GRM8: variants seen among roughly 807,000 people sequenced by gnomAD.
The protein encoded by GRM8 is glutamate metabotropic receptor 8.
A neutral mutation model predicts 87.2 loss-of-function variants in GRM8; 47 were observed. That is an observed-to-expected ratio of 0.54 (90% CI 0.43 to 0.69). The LOEUF (loss-of-function observed/expected upper bound fraction) is 0.69, where lower values mean the gene tolerates loss of function less well. Ranked by LOEUF, GRM8 falls within the 30% of genes least tolerant of loss-of-function variation. The pLI is 0.00. For synonymous variants in GRM8, 396 were observed against 404.5 expected (o/e 0.98, Z 0.25); for missense variants, 1,019 against 1,139.2 (o/e 0.89, Z 1.52).
chr7:127,186,003 A>G (rs2116447603), intron 2 of GRM8, among the ~76,000 whole-genome samples: 1 of 152,302 alleles, frequency 6.6e-6, no homozygotes. Context: ...TTCTTTATGT[A>G]TGTATTTGTA....
chr7:127,174,386 T>C (rs1251506602), intron 2 of GRM8, among the ~76,000 whole-genome samples: 1 of 152,178 alleles, frequency 6.6e-6, no homozygotes, highest in African/African-American at 2.4e-5. Context: ...ACCCATTCTC[T>C]GAACAGAAGG....
chr7:126,503,743 C>T (rs1314498623), intron 9 of GRM8, among the ~76,000 whole-genome samples: 1 of 151,956 alleles, frequency 6.6e-6, no homozygotes, highest in East Asian at 1.9e-4. Context: ...GTGTATTAGG[C>T]CCTCCTTCCC....
intron 7 of GRM8, among the ~76,000 whole-genome samples, chr7:126,730,720 C>T (rs1314065146): frequency 6.6e-6 from 1 of 151,866 alleles, no homozygotes; most frequent in Non-Finnish European, 1.5e-5. Context: ...TTGGTAACTG[C>T]TTAAATATGA....
chr7:126,977,912 A>G (rs1368556498), intron 3 of GRM8, among the ~76,000 whole-genome samples: 2 of 152,360 alleles, frequency 1.3e-5, no homozygotes, highest in East Asian at 3.9e-4. Context: ...AATAAATTTT[A>G]AAGTACTTAT....
chr7:126,501,106 G>A (rs989258826), intron 9 of GRM8, among the ~76,000 whole-genome samples: 2 of 151,930 alleles, frequency 1.3e-5, no homozygotes, highest in Admixed American at 1.3e-4. Context: ...TGTATTTTAT[G>A]AGTGTATTTC....
chr7:126,615,324 TGA>T (rs1336218053), intron 7 of GRM8, among the ~76,000 whole-genome samples: 2 of 152,058 alleles, frequency 1.3e-5, no homozygotes, highest in East Asian at 3.9e-4. Flanking sequence ...AAGCAAATGC[TGA>T]GAGATTTTGT....
chr7:126,816,902 C>G (rs1793839518), intron 6 of GRM8, among the ~76,000 whole-genome samples: 1 of 151,992 alleles, frequency 6.6e-6, no homozygotes. Flanking sequence ...TCTATTCACG[C>G]TTCCATTATA....
At chr7:127,063,772 G>A (rs924198502) in intron 3 of GRM8, among the ~76,000 whole-genome samples, 10 of 152,102 alleles carry the variant, frequency 6.6e-5, no homozygotes, top group Non-Finnish European at 8.8e-5. Flanking sequence ...TTAGTGCTAT[G>A]AATTTCCCTC....
At chr7:127,067,504 T>C (rs3808123) in intron 3 of GRM8, among the ~76,000 whole-genome samples, 54,334 of 152,088 alleles carry the variant, frequency 0.36, 10,024 homozygotes, top group Non-Finnish European at 0.41. Context: ...TTGTTTTGCC[T>C]ATTCAATATT....
chr7:126,712,364 A>T lies in GRM8; in HGVS notation c.1357+57501T>A, dbSNP rs7777742. ...AATTATAATAATAATATCAAAGATC[A>T]CTGATCACAGGTCACCATAAGAGAT... is the stretch of plus-strand genomic sequence containing the variant. On this transcript the variant is annotated intron_variant, in intron 7 of 10. Coordinates refer to ENST00000339582, the MANE Select transcript of GRM8 (RefSeq NM_000845.3). Among the ~76,000 whole-genome samples the T allele has an allele frequency of 6.9e-3, 1,050 of 152,284 alleles. 16 individuals carry two copies. The highest frequency in any genetic ancestry group is 0.024 in the African/African-American group (991 of 41,550).
intron 6 of GRM8, among the ~76,000 whole-genome samples, chr7:126,883,735 T>C (rs1800229172): frequency 6.6e-6 from 1 of 152,138 alleles, no homozygotes; most frequent in Admixed American, 6.6e-5. Flanking sequence ...AAGAATCAAA[T>C]TCACAGAGAC....
chr7:126,624,790 CT>C (rs1364309779), intron 7 of GRM8, among the ~76,000 whole-genome samples: 5 of 152,200 alleles, frequency 3.3e-5, no homozygotes, highest in African/African-American at 4.8e-5. Flanking sequence ...TTAAAACCCC[CT>C]AAGTGGTCTT....
At position 126,685,018 on chromosome 7, in the gene GRM8, G is replaced by A. The variant is rs1808007268; in HGVS notation, c.1358-75520C>T. On this transcript the variant is annotated intron_variant, in intron 7 of 10. Coordinates refer to ENST00000339582, the MANE Select transcript of GRM8 (RefSeq NM_000845.3). The surrounding 1 kb of genome is among the most constrained non-coding windows in gnomAD (Gnocchi z 4.2). Reference sequence around the variant, plus strand: ...GTGGTAGCAGCAGGAGAGGCTGCAGGGCAGCAGTGGTGGCCATGGGACCCC... The same window carrying A: ...GTGGTAGCAGCAGGAGAGGCTGCAGAGCAGCAGTGGTGGCCATGGGACCCC... Among the ~76,000 whole-genome samples, 1 of 152,172 alleles carries A rather than the reference G, an allele frequency of 6.6e-6. No homozygotes were observed. The highest frequency in any genetic ancestry group is 2.4e-5 in the African/African-American group (1 of 41,438).
At chr7:127,058,118 C>A (rs1338681847) in intron 3 of GRM8, 2 of 517,138 alleles carry the variant, frequency 3.9e-6, no homozygotes, top group Non-Finnish European at 7.9e-6. Context: ...GATGTTGCGT[C>A]ACCACGTGAT....
At chr7:126,528,859 C>T (rs1390038030) in intron 9 of GRM8, among the ~76,000 whole-genome samples, 3 of 152,110 alleles carry the variant, frequency 2.0e-5, no homozygotes, top group Non-Finnish European at 4.4e-5. Flanking sequence ...TTAGCAGACA[C>T]AGGATTTGAA....
At chr7:126,906,932 C>T (rs779514583) in intron 3 of GRM8, among the ~76,000 whole-genome samples, 4 of 152,058 alleles carry the variant, frequency 2.6e-5, no homozygotes, top group Non-Finnish European at 4.4e-5. Flanking sequence ...TTCTTGAGTG[C>T]CCCGTATCTG....
At chr7:126,696,659 T>C (rs1809414321) in intron 7 of GRM8, among the ~76,000 whole-genome samples, 1 of 152,184 alleles carries the variant, frequency 6.6e-6, no homozygotes, top group South Asian at 2.1e-4. Context: ...ACATGTTTAT[T>C]TGCTGAGGCT....
chr7:126,469,397 T>C (rs1009455955), intron 9 of GRM8, among the ~76,000 whole-genome samples: 1 of 151,810 alleles, frequency 6.6e-6, no homozygotes, highest in Non-Finnish European at 1.5e-5. Context: ...TTAACCCCCA[T>C]GTTGTCAAAT....
chr7:126,532,171 G>A (rs1252665106), intron 9 of GRM8, among the ~76,000 whole-genome samples: 1 of 152,168 alleles, frequency 6.6e-6, no homozygotes. Flanking sequence ...TTCTTTACCA[G>A]CAGTATTTTA....
Sources: gnomAD v4.1 joint callset for allele counts (sites outside exome capture counted in the v4.1 genomes callset) on GRCh38, gnomAD v4.1.1 for gene constraint, Gnocchi (gnomAD v3.1) non-coding constraint, MANE v1.5 for transcripts, NCBI Gene and HGNC (gene_info 2026-07-23, HGNC 2026-07-21) for gene names.